The following CYSLTR2 variants were observed in gnomAD, a reference collection of about 807,000 sequenced individuals.
CYSLTR2 encodes the protein cysteinyl leukotriene receptor 2, also known as G-protein coupled receptor GPCR21.
For missense variants in CYSLTR2, 398 were observed against 411.9 expected (o/e 0.97, Z 0.29); for synonymous variants, 179 against 160.8 (o/e 1.11, Z -0.86).
chr13:48,668,772 G>T (rs183101107), intron 1 of CYSLTR2, among the ~76,000 whole-genome samples: 1 of 151,774 alleles, frequency 6.6e-6, no homozygotes, highest in Admixed American at 6.6e-5. Context: ...CCCAACCCCC[G>T]ACAGGCTCTG....
intron 1 of CYSLTR2, among the ~76,000 whole-genome samples, chr13:48,675,577 G>A (rs1434676109): frequency 6.8e-6 from 1 of 148,050 alleles, no homozygotes; most frequent in Non-Finnish European, 1.5e-5. Flanking sequence ...AGCTTGCTGG[G>A]CTTTGTGGGG....
intron 1 of CYSLTR2, among the ~76,000 whole-genome samples, chr13:48,658,612 C>T (rs1197072659): frequency 6.6e-6 from 1 of 152,144 alleles, no homozygotes; most frequent in African/African-American, 2.4e-5. Context: ...GGTCTGCAAA[C>T]AGCCAAGACA....
At chr13:48,664,206 GTTGTTTGATTTGGTTTGCTAGTATT>G (rs1953202128) in intron 1 of CYSLTR2, among the ~76,000 whole-genome samples, 1 of 151,950 alleles carries the variant, frequency 6.6e-6, no homozygotes, top group African/African-American at 2.4e-5. Context: ...TTTTTGATAT[GTTGTTTGATTTGGTTTGCTAGTATT>G]TTGTTTGGCA....
rs1427736461 is a variant in CYSLTR2 at position 48,691,250 on chromosome 13, C to T, written c.-227C>T. On this transcript the variant is annotated 5_prime_UTR_variant, in exon 2 of 5. It introduces an in-frame stop codon into an upstream open reading frame of the 5' UTR. Coordinates refer to ENST00000682523, the MANE Select transcript of CYSLTR2 (RefSeq NM_001308476.3). Reference sequence around the variant, plus strand: ...CAAGCAAAGTTAAATTATGGATATCCAAGGGAGTCTATAGAAGGTCCATGC... The same window carrying T: ...CAAGCAAAGTTAAATTATGGATATCTAAGGGAGTCTATAGAAGGTCCATGC... The T allele has an allele frequency of 2.0e-5, 3 of 151,836 alleles. No homozygotes were observed. In the East Asian group the frequency reaches 5.8e-4, roughly 29 times the overall value. The allele number at this position is 151,836 out of a possible 1,614,324, so 9.4% of individuals were successfully genotyped here.
intron 1 of CYSLTR2, among the ~76,000 whole-genome samples, chr13:48,679,974 G>C (rs946766343): frequency 1.4e-4 from 21 of 152,138 alleles, no homozygotes; most frequent in Non-Finnish European, 2.8e-4. Flanking sequence ...CTTCCGCATG[G>C]CAGGTCTACC....
chr13:48,699,811 A>C (rs1210368300), intron 4 of CYSLTR2, among the ~76,000 whole-genome samples: 2 of 152,196 alleles, frequency 1.3e-5, no homozygotes, highest in Non-Finnish European at 2.9e-5. Flanking sequence ...AATCAAATAG[A>C]TGCAATAAAA....
At chr13:48,656,481 TAA>T (rs1194708585) in intron 1 of CYSLTR2, among the ~76,000 whole-genome samples, 2 of 152,176 alleles carry the variant, frequency 1.3e-5, no homozygotes, top group African/African-American at 4.8e-5. Context: ...GCTGCAGTAA[TAA>T]AAGAGACTAA....
intron 1 of CYSLTR2, among the ~76,000 whole-genome samples, chr13:48,677,002 A>G (rs1003989630): frequency 6.6e-6 from 1 of 152,204 alleles, no homozygotes; most frequent in African/African-American, 2.4e-5. Context: ...AAATATAGGC[A>G]GAGGTGAGCC....
chr13:48,706,813 C>T lies in CYSLTR2; in HGVS notation c.-1-4C>T. 6.3e-7 allele frequency: 1 copy of T among 1,597,864 alleles called. No individual in the cohort carries two copies. The highest frequency in any genetic ancestry group is 8.5e-7 in the Non-Finnish European group (1 of 1,171,812). Reference sequence around the variant, plus strand: ...CTTTTTGTGTCTGTTTCTTTTTAACCCAGCATGGAGAGAAAATTTATGTCC... The same window carrying T: ...CTTTTTGTGTCTGTTTCTTTTTAACTCAGCATGGAGAGAAAATTTATGTCC... On this transcript the variant is annotated splice_polypyrimidine_tract_variant and splice_region_variant and intron_variant, in intron 4 of 4. Coordinates refer to ENST00000682523, the MANE Select transcript of CYSLTR2 (RefSeq NM_001308476.3).
chr13:48,695,068 ATTTTTTTTTTT>A (rs869282546), intron 3 of CYSLTR2, among the ~76,000 whole-genome samples: 2 of 71,618 alleles, frequency 2.8e-5, no homozygotes, highest in South Asian at 6.0e-4. Flanking sequence ...AGAACCTGGC[ATTTTTTTTTTT>A]TTTTTTTTTT....
chr13:48,670,603 T>A (rs754829242), intron 1 of CYSLTR2, among the ~76,000 whole-genome samples: 5 of 152,230 alleles, frequency 3.3e-5, no homozygotes, highest in Non-Finnish European at 5.9e-5. Flanking sequence ...TGTGGTGTTA[T>A]TTCTGAGGCC....
chr13:48,680,309 T>C (rs1360679806), intron 1 of CYSLTR2, among the ~76,000 whole-genome samples: 2 of 152,126 alleles, frequency 1.3e-5, no homozygotes, highest in African/African-American at 4.8e-5. Context: ...AATGATCCCG[T>C]GAGAATCTAT....
At chr13:48,680,743 T>C (rs1480419749) in intron 1 of CYSLTR2, among the ~76,000 whole-genome samples, 1 of 152,066 alleles carries the variant, frequency 6.6e-6, no homozygotes, top group African/African-American at 2.4e-5. Flanking sequence ...TCTGGCTAAT[T>C]TTTATAGTCA....
At position 48,698,133 on chromosome 13, in the gene CYSLTR2, G is replaced by A. The variant is rs149779435; in HGVS notation, c.-2+1507G>A. Among the ~76,000 whole-genome samples, 1,341 of 152,228 alleles carry A rather than the reference G, an allele frequency of 8.8e-3. 22 individuals are homozygous for A. Among genetic ancestry groups the A allele is most frequent in the African/African-American group, 0.03 (1,251 of 41,542 alleles). The stretch of plus-strand genomic sequence containing the variant: ...TCCAGGAGAACTTCCCCAACCTAGC[G>A]AGGCAGGCCAACATTGAAATTCAGG... On this transcript the variant is annotated intron_variant, in intron 4 of 4. Coordinates refer to ENST00000682523, the MANE Select transcript of CYSLTR2 (RefSeq NM_001308476.3).
intron 4 of CYSLTR2, among the ~76,000 whole-genome samples, chr13:48,702,151 A>C (rs1298130588): frequency 6.6e-6 from 1 of 151,450 alleles, no homozygotes; most frequent in African/African-American, 2.4e-5. Flanking sequence ...TGAGCAAACT[A>C]TCGCAAGGAC....
At chr13:48,675,858 C>T (rs1377260510) in intron 1 of CYSLTR2, among the ~76,000 whole-genome samples, 1 of 152,156 alleles carries the variant, frequency 6.6e-6, no homozygotes, top group Non-Finnish European at 1.5e-5. Flanking sequence ...ATAGCATCAT[C>T]CCCCATGGCA....
At chr13:48,690,814 G>C (rs11616313) in intron 1 of CYSLTR2, among the ~76,000 whole-genome samples, 25 of 152,256 alleles carry the variant, frequency 1.6e-4, no homozygotes, top group Admixed American at 5.9e-4. Context: ...GTTTGGAATA[G>C]ATTCAGAAGG....
At chr13:48,688,481 C>G (rs1422586243) in intron 1 of CYSLTR2, among the ~76,000 whole-genome samples, 1 of 152,200 alleles carries the variant, frequency 6.6e-6, no homozygotes, top group Non-Finnish European at 1.5e-5. Context: ...TTATTCAACT[C>G]CCACTTATGA....
At chr13:48,688,033 A>C (rs1177538636) in intron 1 of CYSLTR2, among the ~76,000 whole-genome samples, 1 of 152,168 alleles carries the variant, frequency 6.6e-6, no homozygotes, top group African/African-American at 2.4e-5. Flanking sequence ...CTCTGAAGTA[A>C]CTGTTCTTAC....
Sources: allele counts gnomAD v4.1 joint callset (sites outside exome capture counted in the v4.1 genomes callset), GRCh38; gene constraint gnomAD v4.1.1; transcripts MANE v1.5; gene names NCBI Gene and HGNC (gene_info 2026-07-23, HGNC 2026-07-21).